BEND3: variants seen among roughly 807,000 people sequenced by gnomAD.
The protein encoded by BEND3 is BEN domain-containing protein 3.
In BEND3, 13 loss-of-function variants were observed where a neutral mutation model predicts 60.1. The observed-to-expected ratio is 0.22, with a 90% CI of 0.14 to 0.34. BEND3 has a LOEUF of 0.34. Ranked by LOEUF, BEND3 falls within the 10% of genes least tolerant of loss-of-function variation. The pLI is 1.00. For missense variants in BEND3, 896 were observed against 1,138.1 expected (o/e 0.79, Z 3.06); for synonymous variants, 497 against 491.5 (o/e 1.01, Z -0.15).
chr6:107,103,711 G>A (rs1775748477), intron 1 of BEND3, among the ~76,000 whole-genome samples: 1 of 152,202 alleles, frequency 6.6e-6, no homozygotes, highest in Non-Finnish European at 1.5e-5. Flanking sequence ...GACTTTGGGA[G>A]GCCAAGGCGG....
At chr6:107,073,213 A>G (rs1335999266) in intron 3 of BEND3, among the ~76,000 whole-genome samples, 23 of 6,530 alleles carry the variant, frequency 3.5e-3, no homozygotes, top group South Asian at 0.01. Flanking sequence ...ATATATATAT[A>G]TATATATATA....
intron 1 of BEND3, among the ~76,000 whole-genome samples, chr6:107,112,117 T>C (rs1194406466): frequency 1.3e-5 from 2 of 152,196 alleles, no homozygotes; most frequent in African/African-American, 4.8e-5. Context: ...ATTATACAAT[T>C]TGAGGTCTTT....
rs117454084 is a variant in BEND3, at chr6:107,079,881, G to T, written c.241-8931C>A. Among the ~76,000 whole-genome samples the T allele has an allele frequency of 4.0e-3, 612 of 151,868 alleles. 2 individuals carry two copies. Among genetic ancestry groups the T allele is most frequent in the Middle Eastern group, 3.4e-3 (1 of 294 alleles). On this transcript the variant is annotated intron_variant, in intron 3 of 3. Transcript: ENST00000369042. ...TGAGTAGCTACTGGTAACTGTTAGTGTGCTTCCTTTCTACTTTTTTTTTTT... is the reference window on the plus strand; with the variant it reads ...TGAGTAGCTACTGGTAACTGTTAGTTTGCTTCCTTTCTACTTTTTTTTTTT...
chr6:107,090,163 A>C (rs919833201), intron 3 of BEND3, among the ~76,000 whole-genome samples: 1 of 152,030 alleles, frequency 6.6e-6, no homozygotes, highest in Non-Finnish European at 1.5e-5. Context: ...ATCCTGGCCA[A>C]CATGGAGAAA....
Position 107,069,613 on chromosome 6 carries a change from G to T in BEND3, c.1578C>A (p.Ser526=). The change falls in exon 4 of 4, where the codon TCC becomes TCA. Residue 526 remains serine (S), a synonymous_variant. Coordinates refer to ENST00000369042, the MANE Select transcript of BEND3 (RefSeq NM_001367314.1). ...CGATGGGCACCAGCCAGATCTTCTT[G>T]GAGCGGCGACCCGGCCGCTCGCCCT... The part of the protein sequence containing the change: ...SFEGERPGRR[S]KKIWLVPIDF... 1 of 1,611,962 alleles carries T rather than the reference G, an allele frequency of 6.2e-7. No homozygotes were observed.
At chr6:107,110,689 T>C (rs1465121225) in intron 1 of BEND3, among the ~76,000 whole-genome samples, 1 of 151,932 alleles carries the variant, frequency 6.6e-6, no homozygotes, top group Non-Finnish European at 1.5e-5. Flanking sequence ...GCCTCCCGAG[T>C]AGCTGGGATT....
intron 3 of BEND3, among the ~76,000 whole-genome samples, chr6:107,074,654 G>A (rs1044063955): frequency 1.9e-4 from 29 of 152,060 alleles, no homozygotes; most frequent in African/African-American, 6.8e-4. Flanking sequence ...TGTTTCTTCT[G>A]TTCTGTTATC....
In BEND3 at chr6:107,087,149, T is replaced by C. The variant is rs538587053; in HGVS notation, c.240+11402A>G. Among the ~76,000 whole-genome samples the C allele has an allele frequency of 9.3e-5, 14 of 150,824 alleles. No individual in the cohort carries two copies. The South Asian group carries it at 1.0e-3, about 11-fold the overall frequency. ...GAATTCGAGACCAGCCTGGTCAACATGGCGAAACCCCATCTCTACTAAAAA... is the reference window on the plus strand; with the variant it reads ...GAATTCGAGACCAGCCTGGTCAACACGGCGAAACCCCATCTCTACTAAAAA... On this transcript the variant is annotated intron_variant, in intron 3 of 3. Coordinates refer to ENST00000369042, the MANE Select transcript of BEND3 (RefSeq NM_001367314.1).
At position 107,103,875 on chromosome 6, in the gene BEND3, G is replaced by C. The variant is rs1775752956; in HGVS notation, c.-11-4579C>G. Among the ~76,000 whole-genome samples the C allele has an allele frequency of 2.6e-5, 4 of 151,414 alleles. No homozygotes were observed. The South Asian group carries it at 8.3e-4, about 31-fold the overall frequency. ...AGGCAGGAGAATCGCTTGAATCCGGGAGGCGGAGGTTGTGAGGAGCCGAGA... is the reference window on the plus strand; with the variant it reads ...AGGCAGGAGAATCGCTTGAATCCGGCAGGCGGAGGTTGTGAGGAGCCGAGA... On this transcript the variant is annotated intron_variant, in intron 1 of 3. Coordinates refer to ENST00000369042, the MANE Select transcript of BEND3 (RefSeq NM_001367314.1).
At chr6:107,108,243 TTTGGCGTC>T (rs1224752378) in intron 1 of BEND3, among the ~76,000 whole-genome samples, 6 of 152,164 alleles carry the variant, frequency 3.9e-5, no homozygotes, top group Non-Finnish European at 5.9e-5. Flanking sequence ...GCGCCTGTGA[TTTGGCGTC>T]TTAATCTTTG....
chr6:107,076,887 C>T (rs1348057780), intron 3 of BEND3, among the ~76,000 whole-genome samples: 7 of 152,026 alleles, frequency 4.6e-5, no homozygotes, highest in African/African-American at 1.7e-4. Flanking sequence ...GGCTGGAGTG[C>T]AGTGATGTGA....
At chr6:107,081,111 T>G (rs1006053684) in intron 3 of BEND3, among the ~76,000 whole-genome samples, 9 of 152,094 alleles carry the variant, frequency 5.9e-5, no homozygotes, top group Non-Finnish European at 7.4e-5. Context: ...TTTCGCCATG[T>G]TGGCCAGGAT....
intron 1 of BEND3, among the ~76,000 whole-genome samples, chr6:107,103,052 C>T (rs1775733790): frequency 6.6e-6 from 1 of 152,176 alleles, no homozygotes; most frequent in Non-Finnish European, 1.5e-5. Context: ...ATTTGAGTCC[C>T]TCTGTCCAAC....
chr6:107,069,644 C>T lies in BEND3; in HGVS notation c.1547G>A (p.Ser516Asn), dbSNP rs1459594954. Residue 516 changes from serine to asparagine, a missense_variant, in exon 4 of 4, where the codon AGC becomes AAC. This residue lies in a region of BEND3 where 846 missense variants were observed against 1,036.7 expected (regional missense o/e 0.82). Coordinates refer to ENST00000369042, the MANE Select transcript of BEND3 (RefSeq NM_001367314.1). Reference protein sequence around the residue: ...DDISVVKVEDSFEGERPGRRS... With the variant: ...DDISVVKVEDNFEGERPGRRS... ...GCGACCCGGCCGCTCGCCCTCGAAG[C>T]TGTCCTCCACCTTGACCACTGAGAT... 5.6e-6 allele frequency: 9 copies of T among 1,610,290 alleles called. No homozygotes were observed. The highest frequency in any genetic ancestry group is 6.8e-6 in the Non-Finnish European group (8 of 1,180,020).
chr6:107,073,203 A>G (rs189605606), intron 3 of BEND3, among the ~76,000 whole-genome samples: 1,399 of 4,804 alleles, frequency 0.29, 32 homozygotes, highest in African/African-American at 0.36. Flanking sequence ...ATGTGTATGT[A>G]TATATATATA....
At chr6:107,075,210 A>G (rs1381165088) in intron 3 of BEND3, among the ~76,000 whole-genome samples, 1 of 151,766 alleles carries the variant, frequency 6.6e-6, no homozygotes, top group African/African-American at 2.4e-5. Context: ...TAGGCGACAG[A>G]GTGAGACTGT....
At chr6:107,102,851 T>C (rs1333566872) in intron 1 of BEND3, among the ~76,000 whole-genome samples, 2 of 152,172 alleles carry the variant, frequency 1.3e-5, no homozygotes, top group Non-Finnish European at 2.9e-5. Context: ...CACCCTGAGC[T>C]ATTTTAGTTC....
At chr6:107,072,782 C>T (rs1053814319) in intron 3 of BEND3, among the ~76,000 whole-genome samples, 3 of 152,074 alleles carry the variant, frequency 2.0e-5, no homozygotes, top group African/African-American at 7.2e-5. Flanking sequence ...CTCAGAAGTT[C>T]CGCCAGCCTG....
chr6:107,103,732 TGA>T (rs1775749120), intron 1 of BEND3, among the ~76,000 whole-genome samples: 1 of 152,088 alleles, frequency 6.6e-6, no homozygotes, highest in Admixed American at 6.6e-5. Context: ...GCGGATCACC[TGA>T]GGATGGGAGT....
Sources: allele counts gnomAD v4.1 joint callset (sites outside exome capture counted in the v4.1 genomes callset), GRCh38; gene constraint gnomAD v4.1.1; regional missense constraint gnomAD v4.1.1; transcripts MANE v1.5; gene names NCBI Gene and HGNC (gene_info 2026-07-23, HGNC 2026-07-21).